EFCAB11: variants seen among roughly 807,000 people sequenced by gnomAD.
EFCAB11 encodes the protein EF-hand calcium-binding domain-containing protein 11.
EFCAB11 carries 14 observed loss-of-function variants against 23.0 expected under a neutral mutation model. That is an observed-to-expected ratio of 0.61 (90% CI 0.40 to 0.95). The LOEUF (loss-of-function observed/expected upper bound fraction) is 0.95. Among genes scored for constraint, EFCAB11 ranks in the 40% least tolerant of loss-of-function variants. The pLI is 0.00. For missense variants in EFCAB11, 198 were observed against 195.8 expected (o/e 1.01, Z -0.07); for synonymous variants, 65 against 66.6 (o/e 0.98, Z 0.11).
intron 5 of EFCAB11, among the ~76,000 whole-genome samples, chr14:89,910,479 T>C (rs1054445487): frequency 6.6e-6 from 1 of 152,092 alleles, no homozygotes; most frequent in Non-Finnish European, 1.5e-5. Flanking sequence ...GCACCTGTAA[T>C]CCTAGCTACT....
At chr14:89,817,762 G>A (rs1886380083) in intron 5 of EFCAB11, among the ~76,000 whole-genome samples, 1 of 152,162 alleles carries the variant, frequency 6.6e-6, no homozygotes. Flanking sequence ...GGGAGGCTGA[G>A]GCAGGTGGGT....
intron 5 of EFCAB11, among the ~76,000 whole-genome samples, chr14:89,919,527 G>A (rs754409492): frequency 1.1e-4 from 17 of 152,242 alleles, no homozygotes; most frequent in South Asian, 6.2e-4. Context: ...GAGGAGGGTC[G>A]GGAATAATGA....
chr14:89,855,765 G>A (rs1887732666), intron 5 of EFCAB11, among the ~76,000 whole-genome samples: 1 of 152,120 alleles, frequency 6.6e-6, no homozygotes, highest in Admixed American at 6.5e-5. Flanking sequence ...CCTCTGACCT[G>A]TATCTCCCCA....
chr14:89,852,455 C>T (rs927974602), intron 5 of EFCAB11, among the ~76,000 whole-genome samples: 4 of 152,154 alleles, frequency 2.6e-5, no homozygotes, highest in Non-Finnish European at 5.9e-5. Context: ...TATGCCCCTC[C>T]CCTGGGGAGC....
chr14:89,827,727 G>A (rs969413953), intron 5 of EFCAB11, among the ~76,000 whole-genome samples: 1 of 144,022 alleles, frequency 6.9e-6, no homozygotes. Context: ...TCCGCCTCCC[G>A]GGTTCAAGCG....
In EFCAB11 at chr14:89,845,339, A is replaced by G. The variant is rs577478345; in HGVS notation, c.411-48015T>C. On this transcript the variant is annotated intron_variant, in intron 5 of 5. Transcript: ENST00000316738. ...CTTTCAGCAAATAGCAAATTAATTT[A>G]GAAACAAATTAATATGATTTTCAAG... Among the ~76,000 whole-genome samples, 6 of 152,362 alleles carry G rather than the reference A, an allele frequency of 3.9e-5. No individual in the cohort carries two copies. In the East Asian group the frequency reaches 9.6e-4, roughly 24 times the overall value.
intron 5 of EFCAB11, among the ~76,000 whole-genome samples, chr14:89,880,211 T>C (rs1018830034): frequency 1.3e-5 from 2 of 152,166 alleles, no homozygotes; most frequent in African/African-American, 4.8e-5. Context: ...AGAGCCTTCA[T>C]GAATGGGATT....
intron 5 of EFCAB11, among the ~76,000 whole-genome samples, chr14:89,806,390 C>G (rs1449749524): frequency 6.6e-6 from 1 of 152,132 alleles, no homozygotes; most frequent in Admixed American, 6.5e-5. Flanking sequence ...TATTCCTTCT[C>G]TATCAAGTGC....
intron 5 of EFCAB11, among the ~76,000 whole-genome samples, chr14:89,817,879 A>G (rs8012567): frequency 0.36 from 54,104 of 151,876 alleles, 11,732 homozygotes; most frequent in African/African-American, 0.6. Context: ...CTGGAGTCCC[A>G]GCTACTCAGG....
intron 5 of EFCAB11, among the ~76,000 whole-genome samples, chr14:89,929,998 T>C (rs1890335637): frequency 6.6e-6 from 1 of 152,238 alleles, no homozygotes; most frequent in Non-Finnish European, 1.5e-5. Context: ...CAATTTTTAG[T>C]TCCTTTGTTA....
At chr14:89,934,051 T>C (rs1425126970) in intron 3 of EFCAB11, among the ~76,000 whole-genome samples, 2 of 152,130 alleles carry the variant, frequency 1.3e-5, no homozygotes, top group Non-Finnish European at 2.9e-5. Context: ...AGAGAAGTGA[T>C]ACAAGATGAG....
chr14:89,811,856 G>T (rs1596377190), intron 5 of EFCAB11, among the ~76,000 whole-genome samples: 1 of 152,232 alleles, frequency 6.6e-6, no homozygotes, highest in Non-Finnish European at 1.5e-5. Flanking sequence ...TGTTATTGTG[G>T]CAATAGGAAT....
intron 5 of EFCAB11, among the ~76,000 whole-genome samples, chr14:89,887,539 A>G (rs1237831711): frequency 1.3e-5 from 2 of 152,204 alleles, no homozygotes; most frequent in Non-Finnish European, 2.9e-5. Context: ...GTCATATAGC[A>G]TGACTCCTTA....
chr14:89,875,458 C>T (rs964988823), intron 5 of EFCAB11, among the ~76,000 whole-genome samples: 2 of 152,186 alleles, frequency 1.3e-5, no homozygotes, highest in South Asian at 4.2e-4. Flanking sequence ...ACTAAGATAG[C>T]ACGGGTCAAG....
intron 5 of EFCAB11, among the ~76,000 whole-genome samples, chr14:89,836,124 A>G (rs935027605): frequency 2.6e-5 from 4 of 152,168 alleles, no homozygotes; most frequent in African/African-American, 9.7e-5. Flanking sequence ...GGAGTACCAC[A>G]AGAGGTTTAC....
chr14:89,936,399 T>G lies in EFCAB11; in HGVS notation c.218-3772A>C, dbSNP rs1051039892. Among the ~76,000 whole-genome samples, 4 of 152,204 alleles carry G rather than the reference T, an allele frequency of 2.6e-5. No individual in the cohort carries two copies. In the East Asian group the frequency reaches 7.7e-4, roughly 29 times the overall value. ...TATTGTAGGATAAAAACAAACAGTC[T>G]TTAGCTTTTACTAGGAGAAAATGTA... On this transcript the variant is annotated intron_variant, in intron 3 of 5. Coordinates refer to ENST00000316738, the MANE Select transcript of EFCAB11 (RefSeq NM_145231.4).
chr14:89,852,774 T>C (rs1000727909), intron 5 of EFCAB11, among the ~76,000 whole-genome samples: 4 of 152,216 alleles, frequency 2.6e-5, no homozygotes, highest in African/African-American at 9.6e-5. Context: ...AAAATATACA[T>C]AATATAACAT....
intron 5 of EFCAB11, among the ~76,000 whole-genome samples, chr14:89,843,944 T>G (rs1887349437): frequency 6.6e-6 from 1 of 152,246 alleles, no homozygotes; most frequent in African/African-American, 2.4e-5. Context: ...AAGCTTGAAT[T>G]TTATCATTGG....
intron 5 of EFCAB11, among the ~76,000 whole-genome samples, chr14:89,803,188 T>A (rs1885844464): frequency 6.6e-6 from 1 of 152,044 alleles, no homozygotes; most frequent in Non-Finnish European, 1.5e-5. Context: ...TTTAAGGCAA[T>A]CCTTTTGAAC....
Sources: gnomAD v4.1 joint callset for allele counts (sites outside exome capture counted in the v4.1 genomes callset) on GRCh38, gnomAD v4.1.1 for gene constraint, MANE v1.5 for transcripts, NCBI Gene and HGNC (gene_info 2026-07-23, HGNC 2026-07-21) for gene names.